FHOD3: variants seen among roughly 807,000 people sequenced by gnomAD.
FHOD3 encodes FH1/FH2 domain-containing protein 3.
FHOD3 carries 90 observed loss-of-function variants against 173.0 expected under a neutral mutation model. That is an observed-to-expected ratio of 0.52 (90% confidence interval 0.44 to 0.62). The LOEUF (loss-of-function observed/expected upper bound fraction) is 0.62, where lower values mean the gene tolerates loss of function less well. Ranked by LOEUF, FHOD3 falls within the 20% of genes least tolerant of loss-of-function variation. The pLI is 0.00. For missense variants in FHOD3, 1,945 were observed against 2,034.7 expected, an observed-to-expected ratio of 0.96 and a Z score of 0.85; for synonymous variants, 828 against 823.0, an observed-to-expected ratio of 1.01 and a Z score of -0.10.
intron 19 of FHOD3, among the ~76,000 whole-genome samples, chr18:36,722,762 C>A (rs966762920): frequency 2.0e-5 from 3 of 152,090 alleles, no homozygotes; most frequent in African/African-American, 7.2e-5. Flanking sequence ...CAGGGACTCT[C>A]AAGTACAACC....
At chr18:36,762,821 T>A (rs997727983) in intron 27 of FHOD3, among the ~76,000 whole-genome samples, 2 of 148,024 alleles carry the variant, frequency 1.4e-5, no homozygotes, top group South Asian at 2.1e-4. Context: ...ATGTATTATA[T>A]ATTTTATATA....
intron 5 of FHOD3, among the ~76,000 whole-genome samples, chr18:36,567,398 C>T (rs1046317904): frequency 6.6e-6 from 1 of 152,182 alleles, no homozygotes; most frequent in Non-Finnish European, 1.5e-5. Flanking sequence ...GTTGCTCCAT[C>T]CAGGCCACCT....
intron 2 of FHOD3, among the ~76,000 whole-genome samples, chr18:36,369,285 T>C (rs1270646121): frequency 6.6e-6 from 1 of 152,132 alleles, no homozygotes; most frequent in African/African-American, 2.4e-5. Flanking sequence ...TTAGAATCAG[T>C]GGTAGCAGGG....
At chr18:36,763,372 C>T (rs1397319902) in intron 27 of FHOD3, among the ~76,000 whole-genome samples, 9 of 139,500 alleles carry the variant, frequency 6.5e-5, no homozygotes, top group African/African-American at 8.0e-5. Flanking sequence ...ATACAATATG[C>T]GTATTATACA....
At chr18:36,371,739 C>A (rs185428878) in intron 2 of FHOD3, among the ~76,000 whole-genome samples, 1 of 152,190 alleles carries the variant, frequency 6.6e-6, no homozygotes, top group East Asian at 1.9e-4. Context: ...TCCCTTCTCT[C>A]CAACACAACC....
chr18:36,644,768 T>C (rs758013289), intron 10 of FHOD3, among the ~76,000 whole-genome samples: 5 of 152,210 alleles, frequency 3.3e-5, no homozygotes, highest in Non-Finnish European at 7.3e-5. Flanking sequence ...TAGGTACTGT[T>C]AGTGCCCCAT....
chr18:36,537,720 G>T (rs1328741559), intron 5 of FHOD3, among the ~76,000 whole-genome samples: 1 of 152,164 alleles, frequency 6.6e-6, no homozygotes, highest in Non-Finnish European at 1.5e-5. Context: ...TGATAGAACT[G>T]CAGAGAGAAA....
chr18:36,563,591 T>A (rs1437353193), intron 5 of FHOD3, among the ~76,000 whole-genome samples: 1 of 152,222 alleles, frequency 6.6e-6, no homozygotes, highest in East Asian at 1.9e-4. Flanking sequence ...TCTTCCATCT[T>A]ATGACTGCGT....
chr18:36,715,734 T>C (rs2040413661), intron 18 of FHOD3, among the ~76,000 whole-genome samples: 1 of 152,188 alleles, frequency 6.6e-6, no homozygotes, highest in Non-Finnish European at 1.5e-5. Flanking sequence ...TCATAAGAGC[T>C]GTGATGAAAA....
intron 6 of FHOD3, among the ~76,000 whole-genome samples, chr18:36,592,378 A>G (rs189278892): frequency 5.5e-4 from 84 of 152,364 alleles, no homozygotes; most frequent in African/African-American, 1.9e-3. Context: ...CAGAAGGAAT[A>G]ACCAGTGAGA....
At chr18:36,389,493 C>T (rs376621094) in intron 3 of FHOD3, among the ~76,000 whole-genome samples, 13 of 152,270 alleles carry the variant, frequency 8.5e-5, no homozygotes, top group East Asian at 5.8e-4. Flanking sequence ...TCCACAATCA[C>T]GCAGCTGTGA....
intron 3 of FHOD3, among the ~76,000 whole-genome samples, chr18:36,493,231 T>TA (rs68194412): frequency 3.7e-5 from 5 of 135,250 alleles, no homozygotes; most frequent in Non-Finnish European, 6.4e-5. Context: ...TTTTTTTTTT[T>TA]ACAACTTGTA....
chr18:36,706,183 T>C (rs771262410), intron 17 of FHOD3, among the ~76,000 whole-genome samples: 1 of 152,152 alleles, frequency 6.6e-6, no homozygotes, highest in East Asian at 1.9e-4. Flanking sequence ...AGGCAAGGTC[T>C]TGGCCCTCAG....
At chr18:36,439,520 A>AAT (rs1272487859) in intron 3 of FHOD3, among the ~76,000 whole-genome samples, 1,096 of 73,472 alleles carry the variant, frequency 0.015, 17 homozygotes, top group African/African-American at 0.037. Context: ...AAACCAATAG[A>AAT]ATGTGTGTGT....
In FHOD3 at chr18:36,755,929, A is replaced by C. The variant is rs12967793; in HGVS notation, c.4425+618A>C. On this transcript the variant is annotated intron_variant, in intron 25 of 28. Transcript: ENST00000590592. ...CCATAGCACCCTGGGGAGCCCCTGCACACTTACATGTCTCCCCTGCTCCCG... is the reference window on the plus strand; with the variant it reads ...CCATAGCACCCTGGGGAGCCCCTGCCCACTTACATGTCTCCCCTGCTCCCG... Among the ~76,000 whole-genome samples, 637 of 152,242 alleles carry C rather than the reference A, an allele frequency of 4.2e-3. 5 individuals are homozygous for C. The highest frequency in any genetic ancestry group is 6.9e-3 in the Non-Finnish European group (469 of 67,986).
intron 6 of FHOD3, among the ~76,000 whole-genome samples, chr18:36,589,281 A>G (rs1448886332): frequency 3.3e-5 from 5 of 152,260 alleles, no homozygotes; most frequent in Non-Finnish European, 7.3e-5. Flanking sequence ...CATAGTCTTT[A>G]TTATAACAGA....
intron 3 of FHOD3, among the ~76,000 whole-genome samples, chr18:36,413,433 G>T (rs1173398420): frequency 6.6e-6 from 1 of 152,218 alleles, no homozygotes; most frequent in Non-Finnish European, 1.5e-5. Flanking sequence ...ATGGCAGTGG[G>T]TTCTTTTTTG....
At chr18:36,774,816 A>G (rs960873564) in intron 28 of FHOD3, among the ~76,000 whole-genome samples, 4 of 152,172 alleles carry the variant, frequency 2.6e-5, no homozygotes, top group Non-Finnish European at 5.9e-5. Context: ...TTTTTGCTCT[A>G]CGATCCTACC....
At chr18:36,604,598 C>T (rs1014918272) in intron 8 of FHOD3, among the ~76,000 whole-genome samples, 1 of 151,926 alleles carries the variant, frequency 6.6e-6, no homozygotes, top group Non-Finnish European at 1.5e-5. Context: ...TAACCATACA[C>T]CACAGTAAGC....
Sources: allele counts gnomAD v4.1 joint callset (sites outside exome capture counted in the v4.1 genomes callset), GRCh38; gene constraint gnomAD v4.1.1; transcripts MANE v1.5; gene names NCBI Gene and HGNC (gene_info 2026-07-23, HGNC 2026-07-21).